The following RP1 variants were observed in gnomAD, a reference collection of about 807,000 sequenced individuals.
RP1 encodes the protein oxygen-regulated protein 1.
A neutral mutation model predicts 14.8 loss-of-function variants in RP1; 16 were observed. That is an observed-to-expected ratio of 1.08 (90% CI 0.73 to 1.65). The LOEUF is 1.65. RP1 is among the 40% of genes most tolerant of loss of function. RP1 has a pLI of 0.00. For missense variants in RP1, 2,631 were observed against 2,535.0 expected (o/e 1.04, Z -0.81); for synonymous variants, 876 against 883.6 (o/e 0.99, Z 0.15).
chr8:54,701,519 C>A, exon 14 of RP1: 2 of 1,534,272 alleles, frequency 1.3e-6, no homozygotes, highest in East Asian at 4.9e-5. Context: ...GCTGCGGGTG[C>A]TTTATCAGCC....
At chr8:54,799,302 A>T (rs532957888) in intron 24 of RP1, among the ~76,000 whole-genome samples, 2 of 152,052 alleles carry the variant, frequency 1.3e-5, no homozygotes, top group African/African-American at 4.8e-5. Context: ...ATTTATTGCG[A>T]TCTGTTCTTT....
intron 2 of RP1, 81 bp downstream of exon 2, chr8:54,621,662 GC>G: frequency 1.3e-6 from 2 of 1,597,802 alleles, no homozygotes; most frequent in East Asian, 2.2e-5. Context: ...ATGAATGGTG[GC>G]CCCCGGGAAG....
At chr8:54,696,916 T>C (rs947160240) in intron 12 of RP1, 5 of 835,534 alleles carry the variant, frequency 6.0e-6, no homozygotes. Flanking sequence ...ACACAGTGAT[T>C]GAGGAGCACC....
At chr8:54,828,154 A>T (rs1811430616) in intron 24 of RP1, among the ~76,000 whole-genome samples, 2 of 152,178 alleles carry the variant, frequency 1.3e-5, no homozygotes, top group South Asian at 4.1e-4. Context: ...AGTTAGTTTT[A>T]AAAAATAAGT....
chr8:54,652,219 G>A (rs1806669954), intron 4 of RP1, among the ~76,000 whole-genome samples: 1 of 152,096 alleles, frequency 6.6e-6, no homozygotes, highest in South Asian at 2.1e-4. Context: ...TGTTGGCCAG[G>A]CTGGTCTTGA....
chr8:54,732,951 T>A (rs1421303455), intron 17 of RP1, among the ~76,000 whole-genome samples: 1 of 152,152 alleles, frequency 6.6e-6, no homozygotes, highest in African/African-American at 2.4e-5. Context: ...CACTTCTGAG[T>A]CCCAGTCTGT....
chr8:54,603,184 G>A (rs1805336256), intron 1 of RP1, among the ~76,000 whole-genome samples: 1 of 152,152 alleles, frequency 6.6e-6, no homozygotes, highest in Non-Finnish European at 1.5e-5. Flanking sequence ...TAACATTTAA[G>A]TCCTTAATCC....
chr8:54,685,054 A>G (rs1478483398), intron 12 of RP1, among the ~76,000 whole-genome samples: 1 of 152,082 alleles, frequency 6.6e-6, no homozygotes, highest in African/African-American at 2.4e-5. Flanking sequence ...TACCTAGGTG[A>G]TGGGTTGATA....
rs184848698 is a variant in RP1, at chr8:54,563,237, C to A, written c.-13+3917C>A. Among the ~76,000 whole-genome samples, 75 of 152,310 alleles carry A rather than the reference C, an allele frequency of 4.9e-4. 1 individual carries two copies. Among genetic ancestry groups the A allele is most frequent in the African/African-American group, 1.7e-3 (72 of 41,580 alleles). On this transcript the variant is annotated intron_variant, in intron 1 of 22. Coordinates refer to the RP1 transcript ENST00000636932. ...TCCTAAGGAGATCTGAGATTGGGAA[C>A]AGGCTGAGAGGGAGGAGGGCCTCTT...
chr8:54,756,096 CA>C (rs1477777038), intron 21 of RP1, among the ~76,000 whole-genome samples: 1 of 152,114 alleles, frequency 6.6e-6, no homozygotes, highest in Non-Finnish European at 1.5e-5. Context: ...AGATACAAGG[CA>C]TTATTTTAAA....
intron 3 of RP1, among the ~76,000 whole-genome samples, chr8:54,622,923 C>T (rs1428795756): frequency 1.3e-5 from 2 of 152,156 alleles, no homozygotes; most frequent in African/African-American, 2.4e-5. Context: ...TGTAAATTGC[C>T]TATACAGCAT....
intron 25 of RP1, among the ~76,000 whole-genome samples, chr8:54,838,478 C>T (rs375603843): frequency 1.1e-4 from 17 of 151,594 alleles, no homozygotes; most frequent in South Asian, 4.2e-4. Context: ...TGTGTGTATG[C>T]GAGTGTTTGA....
At chr8:54,820,797 A>G (rs1490271939) in intron 24 of RP1, among the ~76,000 whole-genome samples, 3 of 152,094 alleles carry the variant, frequency 2.0e-5, no homozygotes, top group East Asian at 3.9e-4. Flanking sequence ...TGGTTGTTCA[A>G]TTTGGTGTTC....
At position 54,610,558 on chromosome 8, in the gene RP1, T is replaced by G. The variant is rs1035381361; in HGVS notation, c.-12-10397T>G. Among the ~76,000 whole-genome samples, 3 of 152,216 alleles carry G rather than the reference T, an allele frequency of 2.0e-5. No homozygotes were observed. The South Asian group carries it at 6.2e-4, about 32-fold the overall frequency. ...GATATTTCTATTTGGATGTCTAATA[T>G]GCTTTTCAAGGTGATATTCACTATC... On this transcript the variant is annotated intron_variant, in intron 1 of 22. Coordinates refer to the RP1 transcript ENST00000636932.
At chr8:54,614,182 G>C (rs913005556), upstream of RP1, among the ~76,000 whole-genome samples, 3 of 152,194 alleles carry the variant, frequency 2.0e-5, no homozygotes, top group Non-Finnish European at 2.9e-5. Context: ...TTTGAACTGA[G>C]GTCTGACTGA....
rs527671670 is a variant in RP1 at position 54,803,980 on chromosome 8, A to T, written c.3615+20270A>T. 4.6e-5 allele frequency among the ~76,000 whole-genome samples: 7 copies of T among 152,232 alleles called. No homozygotes were observed. In the South Asian group the frequency reaches 8.3e-4, roughly 18 times the overall value. ...CTACTCAGGAGGCTGAGGCAGGAGG[A>T]TCGCTTGAACCCAGGAGGCGGAGGT... On this transcript the variant is annotated intron_variant, in intron 24 of 28. Coordinates refer to the RP1 transcript ENST00000637698.
chr8:54,747,494 C>T (rs1809255160), intron 19 of RP1, among the ~76,000 whole-genome samples: 1 of 152,168 alleles, frequency 6.6e-6, no homozygotes, highest in African/African-American at 2.4e-5. Flanking sequence ...TTGTATTATT[C>T]AGTGTTATAA....
rs73679611 is a variant in RP1 at position 54,760,631 on chromosome 8, T to C, written c.3248+1555T>C. 2.4e-3 allele frequency among the ~76,000 whole-genome samples: 372 copies of C among 152,314 alleles called. 3 individuals are homozygous for C. The highest frequency in any genetic ancestry group is 8.7e-3 in the African/African-American group (361 of 41,570). On this transcript the variant is annotated intron_variant, in intron 22 of 22. Transcript: ENST00000636932. ...CTTCCATTCAAGGCTTTATAACATC[T>C]GACTCTATATTTCCCCCTCCAATTT...
At chr8:54,698,002 C>T (rs1384607132) in intron 12 of RP1, among the ~76,000 whole-genome samples, 1 of 152,102 alleles carries the variant, frequency 6.6e-6, no homozygotes, top group Non-Finnish European at 1.5e-5. Flanking sequence ...ATGACTAAAA[C>T]ACCAATAGCA....
Sources: allele counts gnomAD v4.1 joint callset (sites outside exome capture counted in the v4.1 genomes callset), GRCh38; gene constraint gnomAD v4.1.1; transcripts MANE v1.5; gene names NCBI Gene and HGNC (gene_info 2026-07-23, HGNC 2026-07-21).